IQCM: variants seen among roughly 807,000 people sequenced by gnomAD.
The protein encoded by IQCM is IQ motif containing M.
Under a neutral mutation model 57.6 loss-of-function variants are expected in IQCM, and 45 were observed. That is an observed-to-expected ratio of 0.78 (90% CI 0.62 to 1.00). IQCM has a LOEUF of 1.00. IQCM is among the 50% of genes least tolerant of loss of function. The probability of loss-of-function intolerance (pLI) is 0.00; values close to 1 mark genes in which losing one functional copy is unlikely to be tolerated. For synonymous variants in IQCM, 148 were observed against 158.9 expected (o/e 0.93, Z 0.51); for missense variants, 468 against 511.6 (o/e 0.91, Z 0.82).
rs3085128 is a variant in IQCM, at chr4:149,702,300, T to TCACACACACA, written c.386-15842_386-15833dup. On this transcript the variant is annotated intron_variant, in intron 5 of 13. Coordinates refer to ENST00000636793, the MANE Select transcript of IQCM (RefSeq NM_001363507.2). ...TACACTCACTGATGACTCCCTCACTTCACACACACACACACACACACACAC... is the reference window on the plus strand; with the variant it reads ...TACACTCACTGATGACTCCCTCACTTCACACACACACACACACACACACACACACACACAC... Among the ~76,000 whole-genome samples, 68 of 145,946 alleles carry TCACACACACA rather than the reference T, an allele frequency of 4.7e-4. 1 individual carries two copies. Among genetic ancestry groups the TCACACACACA allele is most frequent in the African/African-American group, 1.5e-3 (59 of 39,950 alleles).
chr4:149,743,072 T>C (rs1268926348), intron 2 of IQCM, among the ~76,000 whole-genome samples: 1 of 152,188 alleles, frequency 6.6e-6, no homozygotes, highest in Non-Finnish European at 1.5e-5. Context: ...TGTAGTGGCA[T>C]GTGCAAAACT....
intron 7 of IQCM, among the ~76,000 whole-genome samples, chr4:149,622,690 G>T (rs538786006): frequency 6.6e-6 from 1 of 152,264 alleles, no homozygotes; most frequent in South Asian, 2.1e-4. Context: ...TCATTTGGCA[G>T]CTTTGTAAGA....
At chr4:149,453,294 G>A (rs1368225275) in intron 12 of IQCM, among the ~76,000 whole-genome samples, 1 of 151,640 alleles carries the variant, frequency 6.6e-6, no homozygotes, top group Admixed American at 6.6e-5. Context: ...CTTGGGTTAG[G>A]CAATGGTTTC....
intron 12 of IQCM, among the ~76,000 whole-genome samples, chr4:149,507,299 A>G (rs1743926969): frequency 6.6e-6 from 1 of 152,250 alleles, no homozygotes; most frequent in Non-Finnish European, 1.5e-5. Flanking sequence ...TGTGGAAGCA[A>G]CTTTGGAACT....
intron 2 of IQCM, among the ~76,000 whole-genome samples, chr4:149,790,848 T>G (rs976695663): frequency 6.6e-6 from 1 of 152,188 alleles, no homozygotes; most frequent in Non-Finnish European, 1.5e-5. Flanking sequence ...TTTGGTACTT[T>G]TATTTATTCT....
intron 7 of IQCM, among the ~76,000 whole-genome samples, chr4:149,661,246 T>C (rs1269012188): frequency 6.6e-6 from 1 of 152,202 alleles, no homozygotes; most frequent in African/African-American, 2.4e-5. Flanking sequence ...TCTGTTAATG[T>C]GGTATATCAC....
intron 5 of IQCM, among the ~76,000 whole-genome samples, chr4:149,703,461 C>T (rs1201027459): frequency 2.6e-5 from 4 of 151,772 alleles, no homozygotes; most frequent in African/African-American, 9.7e-5. Context: ...ACTATCATAA[C>T]TTTCAAAAAA....
intron 12 of IQCM, among the ~76,000 whole-genome samples, chr4:149,476,416 A>G (rs745557681): frequency 7.2e-5 from 11 of 152,180 alleles, no homozygotes; most frequent in African/African-American, 2.2e-4. Flanking sequence ...AAATTATCAT[A>G]TAGGTAAGAT....
intron 13 of IQCM, among the ~76,000 whole-genome samples, chr4:149,386,382 C>T (rs1303980082): frequency 6.6e-6 from 1 of 152,022 alleles, no homozygotes; most frequent in African/African-American, 2.4e-5. Context: ...GTACTTATTA[C>T]ATAGATCAGT....
At chr4:149,665,574 C>T (rs540548486) in intron 7 of IQCM, among the ~76,000 whole-genome samples, 73 of 152,238 alleles carry the variant, frequency 4.8e-4, no homozygotes, top group African/African-American at 1.7e-3. Context: ...TTTGTTGTTT[C>T]GGTCTCTCTT....
chr4:149,766,501 C>A (rs537094741), intron 2 of IQCM, among the ~76,000 whole-genome samples: 3 of 152,152 alleles, frequency 2.0e-5, no homozygotes, highest in African/African-American at 7.2e-5. Flanking sequence ...CCCAGATACC[C>A]CTCCCTTGCA....
chr4:149,661,640 G>T (rs1163678460), intron 7 of IQCM, among the ~76,000 whole-genome samples: 2 of 151,976 alleles, frequency 1.3e-5, no homozygotes, highest in African/African-American at 4.8e-5. Context: ...CTCACCCTTG[G>T]TCTGTTTAGA....
At chr4:149,512,085 T>A (rs920308662) in intron 12 of IQCM, among the ~76,000 whole-genome samples, 1 of 152,152 alleles carries the variant, frequency 6.6e-6, no homozygotes, top group East Asian at 1.9e-4. Context: ...TTTTAAAAGG[T>A]TAAGTCCATT....
intron 12 of IQCM, among the ~76,000 whole-genome samples, chr4:149,501,457 G>T (rs149441873): frequency 1.4e-3 from 217 of 152,190 alleles, no homozygotes; most frequent in African/African-American, 5.1e-3. Flanking sequence ...AGAAGAAACT[G>T]CAGCCATCTA....
intron 12 of IQCM, among the ~76,000 whole-genome samples, chr4:149,481,702 T>TTTTTTTTTTTTTTTGTTTGTTTG (rs1740853495): frequency 2.4e-5 from 3 of 123,636 alleles, no homozygotes; most frequent in African/African-American, 9.5e-5. Context: ...TCCAGTTTTG[T>TTTTTTTTTTTTTTTGTTTGTTTG]TTTTTTTTTT....
intron 7 of IQCM, among the ~76,000 whole-genome samples, chr4:149,662,216 C>T (rs1292884092): frequency 5.9e-5 from 9 of 151,922 alleles, no homozygotes; most frequent in Non-Finnish European, 1.3e-4. Flanking sequence ...TATTTAGGAG[C>T]GTGTTGACTA....
chr4:149,531,274 C>T lies in IQCM; in HGVS notation c.1228+17181G>A, dbSNP rs776147327. ...TTACCTCTTAAGCATCTGTATGGTA[C>T]GCCAGTTCTGAGTAAACTCCTTTCT... is the stretch of plus-strand genomic sequence containing the variant. On this transcript the variant is annotated intron_variant, in intron 12 of 13. Transcript: ENST00000636793. Among the ~76,000 whole-genome samples, 26 of 152,206 alleles carry T rather than the reference C, an allele frequency of 1.7e-4. 1 individual carries two copies. In the South Asian group the frequency reaches 4.2e-3, roughly 24 times the overall value.
intron 7 of IQCM, among the ~76,000 whole-genome samples, chr4:149,679,423 C>T (rs527927860): frequency 1.1e-4 from 16 of 151,432 alleles, no homozygotes; most frequent in African/African-American, 3.6e-4. Context: ...TATGGGTTGC[C>T]AGAAGAAATA....
chr4:149,389,521 T>G (rs980626474), intron 13 of IQCM, among the ~76,000 whole-genome samples: 14 of 151,596 alleles, frequency 9.2e-5, no homozygotes, highest in African/African-American at 3.4e-4. Flanking sequence ...TGGAATACTA[T>G]GCAGCCATAA....
Sources: allele counts gnomAD v4.1 joint callset (sites outside exome capture counted in the v4.1 genomes callset), GRCh38; gene constraint gnomAD v4.1.1; transcripts MANE v1.5; gene names NCBI Gene and HGNC (gene_info 2026-07-23, HGNC 2026-07-21).